The following SETD3 variants were observed in gnomAD, a reference collection of about 807,000 sequenced individuals.
SETD3 encodes SET domain containing 3, actin N3(tau)-histidine methyltransferase.
A neutral mutation model predicts 63.0 loss-of-function variants in SETD3; 19 were observed. The ratio of observed to expected loss-of-function variants is 0.30; its 90% CI spans 0.21 to 0.44. The LOEUF (loss-of-function observed/expected upper bound fraction) is 0.44. SETD3 is among the 20% of genes least tolerant of loss of function. SETD3 has a pLI of 1.00. For synonymous variants in SETD3, 286 were observed against 264.1 expected, an observed-to-expected ratio of 1.08 and a Z score of -0.80; for missense variants, 587 against 728.5, an observed-to-expected ratio of 0.81 and a Z score of 2.24.
chr14:99,463,304 T>C (rs1010856165), intron 3 of SETD3, among the ~76,000 whole-genome samples, 182 bp downstream of exon 3: 2 of 152,222 alleles, frequency 1.3e-5, no homozygotes, highest in Non-Finnish European at 2.9e-5. Flanking sequence ...AAGCAGGTAA[T>C]AGCATCTCAG....
chr14:99,451,863 C>G (rs949444996), intron 6 of SETD3, among the ~76,000 whole-genome samples: 2 of 152,030 alleles, frequency 1.3e-5, no homozygotes, highest in African/African-American at 4.8e-5. Context: ...CGTGAGGCTT[C>G]TGGTTACACA....
chr14:99,403,205 TGCTG>T (rs1393189001), intron 11 of SETD3, among the ~76,000 whole-genome samples: 4 of 152,154 alleles, frequency 2.6e-5, no homozygotes, highest in African/African-American at 9.7e-5. Context: ...CCTGGACTTG[TGCTG>T]CACTGCTCCC....
chr14:99,473,250 G>C (rs1468081819), intron 1 of SETD3, among the ~76,000 whole-genome samples: 1 of 152,204 alleles, frequency 6.6e-6, no homozygotes, highest in Non-Finnish European at 1.5e-5. Context: ...AATGGGTCAG[G>C]AGAAACAAGA....
intron 2 of SETD3, among the ~76,000 whole-genome samples, chr14:99,464,371 AATAACTAG>A (rs1220953218): frequency 6.6e-6 from 1 of 152,238 alleles, no homozygotes; most frequent in Non-Finnish European, 1.5e-5. Flanking sequence ...AATAACTAAC[AATAACTAG>A]ACACACGCTG....
intron 6 of SETD3, among the ~76,000 whole-genome samples, chr14:99,420,647 A>G (rs1892535788): frequency 6.6e-6 from 1 of 152,128 alleles, no homozygotes; most frequent in Non-Finnish European, 1.5e-5. Context: ...CCCTCTTATG[A>G]ACAGAATATT....
At chr14:99,466,420 G>A (rs1480436281) in intron 1 of SETD3, among the ~76,000 whole-genome samples, 5 of 152,316 alleles carry the variant, frequency 3.3e-5, no homozygotes, top group South Asian at 4.1e-4. Flanking sequence ...GTCTCCCGTC[G>A]CGTTCCAGTG....
chr14:99,470,776 G>A (rs1022251117), intron 1 of SETD3, among the ~76,000 whole-genome samples: 3 of 152,144 alleles, frequency 2.0e-5, no homozygotes, highest in Admixed American at 6.5e-5. Flanking sequence ...AGTATGGTTT[G>A]GCACTAATTC....
chr14:99,448,743 T>C (rs1894282541), intron 6 of SETD3, among the ~76,000 whole-genome samples: 1 of 152,204 alleles, frequency 6.6e-6, no homozygotes, highest in African/African-American at 2.4e-5. Context: ...ACCATGAAGT[T>C]GGCTGAGAAC....
chr14:99,468,307 C>T (rs947710426), intron 1 of SETD3, among the ~76,000 whole-genome samples: 4 of 152,046 alleles, frequency 2.6e-5, no homozygotes, highest in Non-Finnish European at 4.4e-5. Flanking sequence ...CTGAACGAGT[C>T]CTCATGGTTA....
chr14:99,405,296 G>T lies in SETD3; in HGVS notation c.1000C>A (p.His334Asn). 1 of 1,613,712 alleles carries T rather than the reference G, an allele frequency of 6.2e-7. No homozygotes were observed. The highest frequency in any genetic ancestry group is 8.5e-7 in the Non-Finnish European group (1 of 1,179,878). The change falls in exon 10 of 13, where the codon CAC (histidine) becomes AAC (asparagine). Residue 334 changes from histidine to asparagine, a missense_variant. Physicochemically the swap from His to Asn is moderately conservative, Grantham distance 68. Transcript: ENST00000331768. ...CCAAGCTTTATTTTCACTCTGTCGTGTGAGTTATTGTCAAAGAAAAAACCA... is the reference window on the plus strand; with the variant it reads ...CCAAGCTTTATTTTCACTCTGTCGTTTGAGTTATTGTCAAAGAAAAAACCA... ...HSGFFFDNNSHDRVKIKLGVS... is the reference protein window; with the variant it reads ...HSGFFFDNNSNDRVKIKLGVS...
chr14:99,406,796 T>C (rs1053420169), intron 8 of SETD3, among the ~76,000 whole-genome samples: 1 of 152,186 alleles, frequency 6.6e-6, no homozygotes, highest in East Asian at 1.9e-4. Flanking sequence ...TATGGAAAAT[T>C]ACATACCTGA....
intron 6 of SETD3, among the ~76,000 whole-genome samples, chr14:99,423,239 C>T (rs1468438202): frequency 6.6e-6 from 1 of 152,094 alleles, no homozygotes; most frequent in Non-Finnish European, 1.5e-5. Flanking sequence ...ATCTAAGTAA[C>T]CCTTTTTTGT....
chr14:99,457,793 T>C lies in SETD3; in HGVS notation c.675+486A>G, dbSNP rs116734472. 4.3e-3 allele frequency among the ~76,000 whole-genome samples: 655 copies of C among 152,324 alleles called. 1 individual carries two copies. Among genetic ancestry groups the C allele is most frequent in the African/African-American group, 0.015 (619 of 41,568 alleles). On this transcript the variant is annotated intron_variant, in intron 6 of 12. Coordinates refer to ENST00000331768, the MANE Select transcript of SETD3 (RefSeq NM_032233.3). ...TCAAATACTTGGAGCCTTATAGAGATTTCTATGAGAAACTTTCACTGAGAA... is the reference window on the plus strand; with the variant it reads ...TCAAATACTTGGAGCCTTATAGAGACTTCTATGAGAAACTTTCACTGAGAA...
chr14:99,431,481 G>A (rs554004927), intron 6 of SETD3, among the ~76,000 whole-genome samples: 1 of 151,972 alleles, frequency 6.6e-6, no homozygotes, highest in Non-Finnish European at 1.5e-5. Flanking sequence ...ATAGCAACAT[G>A]CATTAGTAGG....
intron 1 of SETD3, among the ~76,000 whole-genome samples, chr14:99,471,224 T>G: frequency 6.6e-6 from 1 of 152,252 alleles, no homozygotes; most frequent in Middle Eastern, 3.2e-3. Context: ...GGTCAAAATT[T>G]GTTGAGTAAA....
intron 8 of SETD3, chr14:99,410,335 C>T (rs1891918417): frequency 7.3e-7 from 1 of 1,378,864 alleles, no homozygotes; most frequent in Non-Finnish European, 1.0e-6. Flanking sequence ...GACTGTAAGA[C>T]TCATCTAAAT....
intron 6 of SETD3, among the ~76,000 whole-genome samples, chr14:99,436,338 T>C (rs1211452673): frequency 6.6e-6 from 1 of 152,202 alleles, no homozygotes; most frequent in Non-Finnish European, 1.5e-5. Flanking sequence ...AAGAACGGCC[T>C]GGTCTACATA....
the SETD3 span, among the ~76,000 whole-genome samples, chr14:99,486,362 C>G: frequency 1.1e-4 from 16 of 152,190 alleles, no homozygotes; most frequent in Non-Finnish European, 1.9e-4. Flanking sequence ...CAAACGCTCG[C>G]CTTTGGTGAT....
intron 6 of SETD3, among the ~76,000 whole-genome samples, chr14:99,457,054 G>C (rs953339293): frequency 2.6e-5 from 4 of 152,166 alleles, no homozygotes; most frequent in African/African-American, 9.7e-5. Context: ...AGTCATGAAA[G>C]ATATACCATT....
Sources: allele counts gnomAD v4.1 joint callset (sites outside exome capture counted in the v4.1 genomes callset), GRCh38; gene constraint gnomAD v4.1.1; transcripts MANE v1.5; gene names NCBI Gene and HGNC (gene_info 2026-07-23, HGNC 2026-07-21).